Variants in FMNL3 observed in about 807,000 individuals in gnomAD.
FMNL3 encodes the protein formin-like protein 3.
In FMNL3, 57 loss-of-function variants were observed where a neutral mutation model predicts 119.6. The ratio of observed to expected loss-of-function variants is 0.48; its 90% CI spans 0.39 to 0.59. The LOEUF (loss-of-function observed/expected upper bound fraction) is 0.59, where lower values mean the gene tolerates loss of function less well. Among genes scored for constraint, FMNL3 ranks in the 20% least tolerant of loss-of-function variants. FMNL3 has a pLI of 0.00. For synonymous variants in FMNL3, 491 were observed against 507.3 expected (o/e 0.97, Z 0.43); for missense variants, 1,053 against 1,323.5 (o/e 0.80, Z 3.17).
rs777016432 is a variant in FMNL3, at chr12:49,643,140, C to G, written c.*2675G>C. On this transcript the variant is annotated 3_prime_UTR_variant, in exon 26 of 26. Transcript: ENST00000335154. Reference sequence around the variant, plus strand: ...TTGAGGATTCCTTTGGCCCTGGGTCCTCCTCCTCTCTCGAATTCCCAGACG... The same window carrying G: ...TTGAGGATTCCTTTGGCCCTGGGTCGTCCTCCTCTCTCGAATTCCCAGACG... 545 of 1,588,074 alleles carry G rather than the reference C, an allele frequency of 3.4e-4. No homozygotes were observed. The highest frequency in any genetic ancestry group is 4.3e-4 in the Non-Finnish European group (496 of 1,160,236).
rs770464448 is a variant in FMNL3 at position 49,658,466 on chromosome 12, C to T, written c.581G>A (p.Arg194His). Reference sequence around the variant, plus strand: ...CCGGAGCACAGACTGGCGCGCAGAGCGAGCGAGGCTGTTGGTGAAGGGGGC... The same window carrying T: ...CCGGAGCACAGACTGGCGCGCAGAGTGAGCGAGGCTGTTGGTGAAGGGGGC... The part of the protein sequence containing the change: ...LSAPFTNSLA[R>H]SARQSVLRYS... Residue 194 changes from arginine to histidine, a missense_variant, in exon 6 of 26, where the codon CGC becomes CAC. Arg to His is a conservative substitution (Grantham distance 29). Coordinates refer to ENST00000335154, the MANE Select transcript of FMNL3 (RefSeq NM_175736.5). 22 of 1,609,812 alleles carry T rather than the reference C, an allele frequency of 1.4e-5. No individual in the cohort carries two copies. Among genetic ancestry groups the T allele is most frequent in the African/African-American group, 1.2e-4 (9 of 74,774 alleles).
At chr12:49,701,576 A>G (rs1445075206) in intron 1 of FMNL3, among the ~76,000 whole-genome samples, 1 of 152,236 alleles carries the variant, frequency 6.6e-6, no homozygotes, top group African/African-American at 2.4e-5. Context: ...GAAAAGGTGT[A>G]TGGGTAAGCA....
At chr12:49,655,131 A>G in intron 9 of FMNL3, 147 bp from the exon 10 acceptor site, 1 of 690,170 alleles carries the variant, frequency 1.4e-6, no homozygotes, top group Non-Finnish European at 2.4e-6. Flanking sequence ...CATTCTGGAC[A>G]CTATAAAAGA....
Position 49,648,350 on chromosome 12 carries a change from G to A in FMNL3, c.2519C>T (p.Ser840Phe), listed in dbSNP as rs775570303. Residue 840 changes from serine (S) to phenylalanine (F), a missense_variant, in exon 22 of 26, where the codon TCC becomes TTC. Around this residue, in one of 4 missense-constraint regions of FMNL3, gnomAD observed 324 missense variants for 380.9 expected, o/e 0.85. Transcript: ENST00000335154. ...LHFVEKAAAV[S>F]LENVLLDVKE... ...CACGTCCAGCAGCACGTTCTCCAGG[G>A]ACACTGGTCACCAAAAGCCTGGCTG... 2 of 1,610,438 alleles carry A rather than the reference G, an allele frequency of 1.2e-6. No homozygotes were observed. Among genetic ancestry groups the A allele is most frequent in the South Asian group, 2.2e-5 (2 of 90,734 alleles).
intron 4 of FMNL3, among the ~76,000 whole-genome samples, chr12:49,662,910 T>TA (rs1943776699): frequency 6.6e-6 from 1 of 152,218 alleles, no homozygotes; most frequent in Non-Finnish European, 1.5e-5. Flanking sequence ...GATGAAACCC[T>TA]AATCTAGAGT....
At chr12:49,702,916 T>C (rs1171873691) in intron 1 of FMNL3, among the ~76,000 whole-genome samples, 3 of 152,274 alleles carry the variant, frequency 2.0e-5, no homozygotes, top group Admixed American at 6.5e-5. Context: ...CATTTCTGTG[T>C]CAAAGGAGGC....
chr12:49,648,527 G>C (rs1054510226), intron 21 of FMNL3, among the ~76,000 whole-genome samples, 174 bp from the exon 22 acceptor site: 1 of 152,172 alleles, frequency 6.6e-6, no homozygotes. Flanking sequence ...CAGGGGGAGG[G>C]AATGGAATGG....
rs1355674759 is a variant in FMNL3, at chr12:49,653,356, CT to C, written c.1222-30del. On this transcript the variant is annotated intron_variant, in intron 12 of 25. Coordinates refer to ENST00000335154, the MANE Select transcript of FMNL3 (RefSeq NM_175736.5). ...CACAACAGGAAGGGCAGGTTCTGTG[CT>C]GGCCCTAAAGCCTGGGCACTCAGCA... The C allele has an allele frequency of 1.9e-6, 3 of 1,609,194 alleles. No individual in the cohort carries two copies. The Admixed American group carries it at 5.0e-5, about 27-fold the overall frequency.
intron 4 of FMNL3, among the ~76,000 whole-genome samples, chr12:49,664,249 T>G (rs1330552759): frequency 6.6e-6 from 1 of 151,686 alleles, no homozygotes; most frequent in African/African-American, 2.4e-5. Flanking sequence ...AATAAATAAA[T>G]AAAATAAAAT....
Position 49,638,064 on chromosome 12 carries a change from A to C in FMNL3, c.*7751T>G, listed in dbSNP as rs1156546197. Reference sequence around the variant, plus strand: ...GTTATACAAAGGGGCAAGTGTTATTACAGAGACAGGAATCTGAAGAACTAA... The same window carrying C: ...GTTATACAAAGGGGCAAGTGTTATTCCAGAGACAGGAATCTGAAGAACTAA... On this transcript the variant is annotated 3_prime_UTR_variant, in exon 26 of 26. Transcript: ENST00000335154. 1 of 496,422 alleles carries C rather than the reference A, an allele frequency of 2.0e-6. No homozygotes were observed. The highest frequency in any genetic ancestry group is 3.6e-6 in the Non-Finnish European group (1 of 278,696). The allele number at this position is 496,422 out of a possible 1,614,324, so 30.8% of individuals were successfully genotyped here.
rs1315535679 is a variant in FMNL3 at position 49,643,846 on chromosome 12, T to C, written c.*1969A>G. ...ATCCACAGGAACTGAGGAGGTGGGC[T>C]CTGGACTCTTACAGAATAGTCCTGA... On this transcript the variant is annotated 3_prime_UTR_variant, in exon 26 of 26. Transcript: ENST00000335154. 1 of 1,614,154 alleles carries C rather than the reference T, an allele frequency of 6.2e-7. No homozygotes were observed. The highest frequency in any genetic ancestry group is 1.3e-5 in the African/African-American group (1 of 75,032).
Position 49,647,091 on chromosome 12 carries a change from G to A in FMNL3, c.2872-82C>T. On this transcript the variant is annotated intron_variant, in intron 24 of 25. Coordinates refer to ENST00000335154, the MANE Select transcript of FMNL3 (RefSeq NM_175736.5). This position sits in a 1 kb window ranked among gnomAD's most constrained non-coding sequence, Gnocchi z 4.9. Reference sequence around the variant, plus strand: ...TTCCTGCCCCAAGGTGCAGTCTGAGGATGCCACTGCTTGTGCACTGCTAGG... The same window carrying A: ...TTCCTGCCCCAAGGTGCAGTCTGAGAATGCCACTGCTTGTGCACTGCTAGG... 3 of 1,599,740 alleles carry A rather than the reference G, an allele frequency of 1.9e-6. No individual in the cohort carries two copies. Among genetic ancestry groups the A allele is most frequent in the Non-Finnish European group, 2.6e-6 (3 of 1,170,726 alleles).
intron 1 of FMNL3, among the ~76,000 whole-genome samples, chr12:49,679,519 CTTTTTTTT>C (rs551320921): frequency 2.2e-5 from 2 of 90,644 alleles, no homozygotes; most frequent in Admixed American, 2.6e-4. Flanking sequence ...GCATTTGTGT[CTTTTTTTT>C]TTTTTTTTTT....
Position 49,651,191 on chromosome 12 carries a change from G to A in FMNL3, c.1774C>T (p.Leu592Phe), listed in dbSNP as rs978422994. The change falls in exon 16 of 26, where the codon CTT (leucine) becomes TTT (phenylalanine). Residue 592 changes from leucine (L) to phenylalanine (F), a missense_variant. Coordinates refer to ENST00000335154, the MANE Select transcript of FMNL3 (RefSeq NM_175736.5). ...NQISGTVFSE[L>F]DDEKILEDLD... ...ACCTCCAAGATCTTCTCATCATCAA[G>A]TTCGCTGAAGACAGTGCCACTGATC... The A allele has an allele frequency of 6.2e-6, 10 of 1,613,324 alleles. No homozygotes were observed. Among genetic ancestry groups the A allele is most frequent in the Non-Finnish European group, 8.5e-6 (10 of 1,179,410 alleles).
At chr12:49,686,328 T>TC (rs1186217827) in intron 1 of FMNL3, among the ~76,000 whole-genome samples, 1 of 149,450 alleles carries the variant, frequency 6.7e-6, no homozygotes, top group Non-Finnish European at 1.5e-5. Flanking sequence ...ACACCTGTAA[T>TC]CCCAGCACTT....
At chr12:49,681,607 G>T (rs955904075) in intron 1 of FMNL3, among the ~76,000 whole-genome samples, 2 of 152,198 alleles carry the variant, frequency 1.3e-5, no homozygotes, top group Non-Finnish European at 2.9e-5. Flanking sequence ...GCCCAGGCTG[G>T]AGTGCAGCGG....
At chr12:49,666,053 T>C (rs1191713029) in intron 3 of FMNL3, 74 bp downstream of exon 3, 3 of 1,553,198 alleles carry the variant, frequency 1.9e-6, no homozygotes. Flanking sequence ...AATATCCAAG[T>C]CAAAGGGTTT....
At chr12:49,697,994 C>T (rs1479777676) in intron 1 of FMNL3, among the ~76,000 whole-genome samples, 1 of 152,138 alleles carries the variant, frequency 6.6e-6, no homozygotes, top group Non-Finnish European at 1.5e-5. Flanking sequence ...TTGACTGGCT[C>T]CCCAGCTTCT....
In FMNL3 at chr12:49,666,279, A is replaced by T. The variant is rs1441013828; in HGVS notation, c.211-72T>A. The T allele has an allele frequency of 2.2e-6, 3 of 1,350,140 alleles. No individual in the cohort carries two copies. In the African/African-American group the frequency reaches 4.3e-5, roughly 20 times the overall value. 83.6% of individuals were successfully genotyped at this position (1,350,140 alleles called of 1,614,324 possible). On this transcript the variant is annotated intron_variant, in intron 2 of 25. Transcript: ENST00000335154. Reference sequence around the variant, plus strand: ...CCTGAGGAGGGCACTGAGGAAGAAGAGCATTCATAGTGTTCAGTGTGAGGG... The same window carrying T: ...CCTGAGGAGGGCACTGAGGAAGAAGTGCATTCATAGTGTTCAGTGTGAGGG...
Sources: allele counts gnomAD v4.1 joint callset (sites outside exome capture counted in the v4.1 genomes callset), GRCh38; gene constraint gnomAD v4.1.1; regional missense constraint gnomAD v4.1.1; non-coding constraint Gnocchi (gnomAD v3.1); transcripts MANE v1.5; gene names NCBI Gene and HGNC (gene_info 2026-07-23, HGNC 2026-07-21).